The following PARD3B variants were observed in gnomAD, a reference collection of about 807,000 sequenced individuals.
PARD3B encodes par-3 family cell polarity regulator beta, also known as partitioning defective 3 homolog B.
In PARD3B, 103 loss-of-function variants were observed where a neutral mutation model predicts 130.2. The ratio of observed to expected loss-of-function variants is 0.79; its 90% CI spans 0.67 to 0.93. The LOEUF (loss-of-function observed/expected upper bound fraction) is 0.93, where lower values mean the gene tolerates loss of function less well. Ranked by LOEUF, PARD3B falls within the 40% of genes least tolerant of loss-of-function variation. PARD3B has a pLI of 0.00. For missense variants in PARD3B, 1,609 were observed against 1,499.2 expected, an observed-to-expected ratio of 1.07 and a Z score of -1.21; for synonymous variants, 583 against 553.2, an observed-to-expected ratio of 1.05 and a Z score of -0.76.
intron 2 of PARD3B, among the ~76,000 whole-genome samples, chr2:204,733,891 A>C (rs566315151): frequency 1.3e-5 from 2 of 152,296 alleles, no homozygotes; most frequent in Admixed American, 1.3e-4. Flanking sequence ...TCTGGAGAAA[A>C]AGAATTGGAG....
At chr2:205,448,096 C>T (rs546142787) in intron 20 of PARD3B, among the ~76,000 whole-genome samples, 1 of 152,304 alleles carries the variant, frequency 6.6e-6, no homozygotes, top group East Asian at 1.9e-4. Flanking sequence ...TGAGAAGTTT[C>T]TTGTATAATC....
chr2:205,089,571 C>T (rs748598430), intron 4 of PARD3B, among the ~76,000 whole-genome samples: 1 of 152,220 alleles, frequency 6.6e-6, no homozygotes, highest in Non-Finnish European at 1.5e-5. Flanking sequence ...TGGCTCCTTT[C>T]ACTGTCCATG....
chr2:205,170,781 C>CTTTTTTT (rs141604922), intron 11 of PARD3B, among the ~76,000 whole-genome samples: 9 of 143,714 alleles, frequency 6.3e-5, no homozygotes, highest in Non-Finnish European at 1.1e-4. Context: ...TATCTCATTT[C>CTTTTTTT]TTTTTTTTTT....
Position 205,325,003 on chromosome 2 carries a change from C to T in PARD3B, c.2630+23302C>T, listed in dbSNP as rs1440745640. Reference sequence around the variant, plus strand: ...AATCCATCAATTCGTTACCAAGTTCCACAAATTCTACTCTCTAAGAATCTA... The same window carrying T: ...AATCCATCAATTCGTTACCAAGTTCTACAAATTCTACTCTCTAAGAATCTA... On this transcript the variant is annotated intron_variant, in intron 18 of 22. Coordinates refer to ENST00000406610, the MANE Select transcript of PARD3B (RefSeq NM_001302769.2). This position sits in a 1 kb window ranked among gnomAD's most constrained non-coding sequence, Gnocchi z 4.1. 6.6e-6 allele frequency among the ~76,000 whole-genome samples: 1 copy of T among 152,140 alleles called. No homozygotes were observed. Among genetic ancestry groups the T allele is most frequent in the African/African-American group, 2.4e-5 (1 of 41,438 alleles).
At chr2:204,736,484 G>T (rs959267036) in intron 2 of PARD3B, among the ~76,000 whole-genome samples, 4 of 151,962 alleles carry the variant, frequency 2.6e-5, no homozygotes, top group South Asian at 2.1e-4. Flanking sequence ...ATGCCTTTGC[G>T]TACTCATAGC....
At chr2:204,875,273 T>G (rs1236435133) in intron 2 of PARD3B, among the ~76,000 whole-genome samples, 1 of 152,182 alleles carries the variant, frequency 6.6e-6, no homozygotes, top group East Asian at 1.9e-4. Context: ...CTATATAATT[T>G]TAACAGTCTT....
intron 1 of PARD3B, among the ~76,000 whole-genome samples, chr2:204,571,352 T>C (rs919180310): frequency 6.6e-6 from 1 of 152,234 alleles, no homozygotes; most frequent in African/African-American, 2.4e-5. Context: ...GAGTGTTTTC[T>C]AGTGTCTTAT....
chr2:205,514,965 C>A (rs1229577266), intron 21 of PARD3B, among the ~76,000 whole-genome samples: 1 of 151,628 alleles, frequency 6.6e-6, no homozygotes. Context: ...CCAACAGTTA[C>A]CTTTTCTGCT....
Position 205,407,755 on chromosome 2 carries a change from C to T in PARD3B, c.2741+6632C>T, listed in dbSNP as rs1032682466. On this transcript the variant is annotated intron_variant, in intron 19 of 22. Coordinates refer to ENST00000406610, the MANE Select transcript of PARD3B (RefSeq NM_001302769.2). This position sits in a 1 kb window ranked among gnomAD's most constrained non-coding sequence, Gnocchi z 4.1. ...CAAAGACTGTCTTCCATTGAAGTCCCATATTACTGACCCTGAAATAATACT... is the reference window on the plus strand; with the variant it reads ...CAAAGACTGTCTTCCATTGAAGTCCTATATTACTGACCCTGAAATAATACT... Among the ~76,000 whole-genome samples the T allele has an allele frequency of 2.0e-5, 3 of 152,028 alleles. No individual in the cohort carries two copies. Among genetic ancestry groups the T allele is most frequent in the Non-Finnish European group, 2.9e-5 (2 of 68,000 alleles).
chr2:204,706,709 C>G (rs1304632257), intron 2 of PARD3B, among the ~76,000 whole-genome samples: 1 of 152,014 alleles, frequency 6.6e-6, no homozygotes, highest in Admixed American at 6.6e-5. Context: ...ACTGGAAGTC[C>G]TTGAAAACAA....
intron 1 of PARD3B, among the ~76,000 whole-genome samples, chr2:204,608,296 A>G (rs761929674): frequency 1.4e-4 from 22 of 152,340 alleles, no homozygotes; most frequent in South Asian, 1.0e-3. Flanking sequence ...GAAGGTTTCT[A>G]TGGCTCTCCA....
intron 19 of PARD3B, among the ~76,000 whole-genome samples, chr2:205,419,018 G>T (rs2046873924): frequency 6.6e-6 from 1 of 152,076 alleles, no homozygotes; most frequent in Non-Finnish European, 1.5e-5. Flanking sequence ...TTATAAGTGG[G>T]TTACAAACTA....
Position 204,859,709 on chromosome 2 carries a change from C to G in PARD3B, c.223-105443C>G, listed in dbSNP as rs574206830. On this transcript the variant is annotated intron_variant, in intron 2 of 22. Coordinates refer to ENST00000406610, the MANE Select transcript of PARD3B (RefSeq NM_001302769.2). Reference sequence around the variant, plus strand: ...ATGACTGGGAATAAAGAGGGCCTCCCTTGAAGGCTGGGCAGTGATGGAGAC... The same window carrying G: ...ATGACTGGGAATAAAGAGGGCCTCCGTTGAAGGCTGGGCAGTGATGGAGAC... 2.0e-5 allele frequency among the ~76,000 whole-genome samples: 3 copies of G among 152,194 alleles called. No homozygotes were observed. The East Asian group carries it at 5.8e-4, about 29-fold the overall frequency.
rs2044616159 is a variant in PARD3B at position 205,366,524 on chromosome 2, A to C, written c.2631-34489A>C. 6.6e-6 allele frequency among the ~76,000 whole-genome samples: 1 copy of C among 152,230 alleles called. No individual in the cohort carries two copies. The highest frequency in any genetic ancestry group is 2.4e-5 in the African/African-American group (1 of 41,460). On this transcript the variant is annotated intron_variant, in intron 18 of 22. Coordinates refer to ENST00000406610, the MANE Select transcript of PARD3B (RefSeq NM_001302769.2). The surrounding 1 kb of genome is among the most constrained non-coding windows in gnomAD (Gnocchi z 5.0). ...TTTACATGTGGGGACCCAGAGGAAT[A>C]GAAATGTCACATCGTGACTGAGGGA...
intron 4 of PARD3B, among the ~76,000 whole-genome samples, chr2:205,096,292 G>GGCCC (rs1363610384): frequency 6.6e-5 from 10 of 152,108 alleles, no homozygotes; most frequent in Non-Finnish European, 1.2e-4. Flanking sequence ...AGGAGGTGAT[G>GGCCC]TGTCTGGTCA....
rs192601071 is a variant in PARD3B, at chr2:205,340,909, A to G, written c.2630+39208A>G. ...CAAATAACTCAACAGCCGAAAAACA[A>G]ATATCCAATTAAAATGTGCACAAAT... On this transcript the variant is annotated intron_variant, in intron 18 of 22. Transcript: ENST00000406610. Among the ~76,000 whole-genome samples the G allele has an allele frequency of 9.0e-3, 1,362 of 152,170 alleles. 11 individuals carry two copies. Among genetic ancestry groups the G allele is most frequent in the Non-Finnish European group, 0.011 (773 of 67,972 alleles).
In PARD3B at chr2:205,255,240, A is replaced by G. The variant is rs543200217; in HGVS notation, c.2185+9418A>G. ...TTAACTTCAAGTGTCTCTAGGTTCT[A>G]TTCTTTCACACTTTCTTGCCTCAAC... On this transcript the variant is annotated intron_variant, in intron 16 of 22. Coordinates refer to ENST00000406610, the MANE Select transcript of PARD3B (RefSeq NM_001302769.2). Among the ~76,000 whole-genome samples, 27 of 152,066 alleles carry G rather than the reference A, an allele frequency of 1.8e-4. 1 individual carries two copies. The highest frequency in any genetic ancestry group is 5.2e-4 in the Admixed American group (8 of 15,272).
chr2:205,277,741 G>T (rs137957003), intron 16 of PARD3B, among the ~76,000 whole-genome samples: 1 of 152,072 alleles, frequency 6.6e-6, no homozygotes, highest in Non-Finnish European at 1.5e-5. Flanking sequence ...GGAGAAGAGA[G>T]GTGAAGTAAG....
chr2:204,608,128 TTGG>T (rs1399745025), intron 1 of PARD3B, among the ~76,000 whole-genome samples: 1 of 152,132 alleles, frequency 6.6e-6, no homozygotes, highest in Non-Finnish European at 1.5e-5. Flanking sequence ...AGTGGATGTA[TTGG>T]TGGCTTCAGA....
Sources: allele counts gnomAD v4.1 joint callset (sites outside exome capture counted in the v4.1 genomes callset), GRCh38; gene constraint gnomAD v4.1.1; non-coding constraint Gnocchi (gnomAD v3.1); transcripts MANE v1.5; gene names NCBI Gene and HGNC (gene_info 2026-07-23, HGNC 2026-07-21).